NAA11: variants seen among roughly 807,000 people sequenced by gnomAD.
NAA11 encodes the protein N-alpha-acetyltransferase 11.
NAA11 carries 15 observed loss-of-function variants against 16.1 expected under a neutral mutation model. The observed-to-expected ratio is 0.93, with a 90% confidence interval of 0.62 to 1.44. The LOEUF (loss-of-function observed/expected upper bound fraction) is 1.44. Ranked by LOEUF, NAA11 falls within the 40% of genes most tolerant of loss-of-function variation. The pLI is 0.00. For missense variants in NAA11, 298 were observed against 291.3 expected (o/e 1.02, Z -0.17); for synonymous variants, 122 against 112.4 (o/e 1.09, Z -0.54).
chr4:79,210,939 TGC>T, the NAA11 span, among the ~76,000 whole-genome samples: 1 of 152,312 alleles, frequency 6.6e-6, no homozygotes, highest in East Asian at 1.9e-4. Flanking sequence ...ACAAAGTGGA[TGC>T]CTGGGTCTTT....
chr4:79,197,812 T>C, the NAA11 span, among the ~76,000 whole-genome samples: 1 of 152,046 alleles, frequency 6.6e-6, no homozygotes, highest in East Asian at 1.9e-4. Context: ...AAAGGAGAGT[T>C]GTGTCAAAGC....
intron 2 of NAA11, among the ~76,000 whole-genome samples, chr4:79,256,652 A>ATATT (rs1674950241): frequency 3.6e-5 from 1 of 27,420 alleles, no homozygotes; most frequent in Non-Finnish European, 1.0e-4. Flanking sequence ...ATAAATATAA[A>ATATT]TATATATATA....
chr4:79,291,021 C>CAT (rs1431063060), intron 2 of NAA11, among the ~76,000 whole-genome samples: 5 of 152,094 alleles, frequency 3.3e-5, no homozygotes, highest in Non-Finnish European at 2.9e-5. Flanking sequence ...AGCACATTCA[C>CAT]ATATATATAT....
intron 2 of NAA11, among the ~76,000 whole-genome samples, chr4:79,275,815 T>C (rs1253834850): frequency 6.6e-6 from 1 of 152,092 alleles, no homozygotes; most frequent in East Asian, 1.9e-4. Flanking sequence ...CAGAGCTTGG[T>C]GAGTTATAAC....
chr4:79,203,329 C>T, the NAA11 span, among the ~76,000 whole-genome samples: 1 of 151,716 alleles, frequency 6.6e-6, no homozygotes, highest in African/African-American at 2.4e-5. Context: ...CCTGCATGCA[C>T]ACATGCACAC....
chr4:79,175,682 G>A, the NAA11 span, among the ~76,000 whole-genome samples: 1 of 150,224 alleles, frequency 6.7e-6, no homozygotes. Context: ...CCTTGAAGCC[G>A]GGAGTTCTGG....
At chr4:79,209,486 A>T in the NAA11 span, among the ~76,000 whole-genome samples, 1 of 152,140 alleles carries the variant, frequency 6.6e-6, no homozygotes, top group African/African-American at 2.4e-5. Context: ...AAAAGTTAAT[A>T]CATCCACTGA....
At chr4:79,283,024 T>C (rs1193125918) in intron 2 of NAA11, among the ~76,000 whole-genome samples, 1 of 152,106 alleles carries the variant, frequency 6.6e-6, no homozygotes, top group East Asian at 1.9e-4. Context: ...GGGTTCACCA[T>C]GGCCAACGCT....
At chr4:79,258,283 G>A (rs185713978) in intron 2 of NAA11, among the ~76,000 whole-genome samples, 344 of 152,384 alleles carry the variant, frequency 2.3e-3, no homozygotes, top group Non-Finnish European at 3.9e-3. Flanking sequence ...CCTGATCCTG[G>A]GAGCAGTGGC....
intron 1 of NAA11, chr4:79,308,815 T>C (rs1723668549): frequency 6.6e-6 from 1 of 152,202 alleles, no homozygotes; most frequent in South Asian, 2.1e-4. Context: ...GATCTCATGA[T>C]TGAGTTTCAT....
chr4:79,192,360 T>C, the NAA11 span, among the ~76,000 whole-genome samples: 2 of 147,148 alleles, frequency 1.4e-5, no homozygotes, highest in African/African-American at 5.0e-5. Flanking sequence ...GTATATCTCC[T>C]AATGCTATCC....
intron 1 of NAA11, among the ~76,000 whole-genome samples, chr4:79,302,132 G>A (rs1411725670): frequency 6.6e-6 from 1 of 151,998 alleles, no homozygotes; most frequent in East Asian, 1.9e-4. Context: ...GGCATCAGAG[G>A]GATTTTGTTT....
At chr4:79,271,981 CAT>C (rs111391052) in intron 2 of NAA11, among the ~76,000 whole-genome samples, 46 of 150,710 alleles carry the variant, frequency 3.1e-4, no homozygotes, top group African/African-American at 7.1e-4. Flanking sequence ...TCCTGACAAA[CAT>C]ATATATATAT....
the NAA11 span, among the ~76,000 whole-genome samples, chr4:79,164,517 A>T: frequency 7.2e-3 from 1,091 of 152,188 alleles, 11 homozygotes; most frequent in African/African-American, 0.024. Flanking sequence ...GCTTGATGAG[A>T]TACACTCTTT....
chr4:79,159,136 C>T, the NAA11 span, among the ~76,000 whole-genome samples: 4 of 152,152 alleles, frequency 2.6e-5, no homozygotes, highest in African/African-American at 4.8e-5. Context: ...GAACAGTCAG[C>T]GGAGTAAACA....
intron 2 of NAA11, among the ~76,000 whole-genome samples, chr4:79,267,246 C>T (rs962451709): frequency 5.9e-5 from 9 of 152,028 alleles, no homozygotes; most frequent in Non-Finnish European, 8.8e-5. Flanking sequence ...TGCTTTTCTG[C>T]CACGGAGAAT....
intron 2 of NAA11, among the ~76,000 whole-genome samples, chr4:79,255,594 TATTTGG>T (rs1722090743): frequency 6.6e-6 from 1 of 152,234 alleles, no homozygotes; most frequent in African/African-American, 2.4e-5. Context: ...ATTAATCTTT[TATTTGG>T]ATTGTTTAAT....
chr4:79,189,889 T>C, the NAA11 span, among the ~76,000 whole-genome samples: 1 of 152,164 alleles, frequency 6.6e-6, no homozygotes, highest in East Asian at 1.9e-4. Flanking sequence ...GAGAGCAAGG[T>C]GGTGAGCTAG....
the NAA11 span, among the ~76,000 whole-genome samples, chr4:79,217,120 T>C: frequency 3.3e-4 from 50 of 152,334 alleles, no homozygotes; most frequent in East Asian, 8.5e-3. Context: ...ATTAGACATA[T>C]TGTAAATCAC....
Sources: allele counts gnomAD v4.1 joint callset (sites outside exome capture counted in the v4.1 genomes callset), GRCh38; gene constraint gnomAD v4.1.1; transcripts MANE v1.5; gene names NCBI Gene and HGNC (gene_info 2026-07-23, HGNC 2026-07-21).